The following SPRYD7 variants were observed in gnomAD, a reference collection of about 807,000 sequenced individuals.
SPRYD7 encodes SPRY domain containing 7, also known as SPRY domain-containing protein 7.
A neutral mutation model predicts 23.8 loss-of-function variants in SPRYD7; 14 were observed. That is an observed-to-expected ratio of 0.59 (90% CI 0.39 to 0.92). The LOEUF is 0.92. Ranked by LOEUF, SPRYD7 falls within the 40% of genes least tolerant of loss-of-function variation. SPRYD7 has a pLI of 0.00. For synonymous variants in SPRYD7, 75 were observed against 84.9 expected (o/e 0.88, Z 0.64); for missense variants, 194 against 241.7 (o/e 0.80, Z 1.31).
chr13:49,916,973 C>T (rs903885002), intron 4 of SPRYD7, among the ~76,000 whole-genome samples: 7 of 151,998 alleles, frequency 4.6e-5, no homozygotes, highest in African/African-American at 1.7e-4. Context: ...AGGTAGAAGG[C>T]AAGGCATTTT....
At chr13:49,934,555 CAAAAA>C (rs889803067) in intron 1 of SPRYD7, among the ~76,000 whole-genome samples, 41 of 54,388 alleles carry the variant, frequency 7.5e-4, no homozygotes, top group Non-Finnish European at 6.5e-4. Flanking sequence ...AACTCCGTCT[CAAAAA>C]AAAAAAAAAA....
rs1273006088 is a variant in SPRYD7, at chr13:49,913,450, A to G, written c.*1613T>C. Reference sequence around the variant, plus strand: ...AAAAACGAGAAAAAAAAAAAAAGAAAGAAAACCACTTTCCCTGATACTTTA... The same window carrying G: ...AAAAACGAGAAAAAAAAAAAAAGAAGGAAAACCACTTTCCCTGATACTTTA... On this transcript the variant is annotated 3_prime_UTR_variant, in exon 5 of 5. Coordinates refer to ENST00000361840, the MANE Select transcript of SPRYD7 (RefSeq NM_020456.4). The G allele has an allele frequency of 6.6e-6, 1 of 151,774 alleles. No individual in the cohort carries two copies. Among genetic ancestry groups the G allele is most frequent in the Non-Finnish European group, 1.5e-5 (1 of 67,992 alleles). The allele number at this position is 151,774 out of a possible 1,614,324, so 9.4% of individuals were successfully genotyped here.
Position 49,927,937 on chromosome 13 carries a change from C to A in SPRYD7, c.372G>T (p.Pro124=). The change falls in exon 3 of 5, where the codon CCG becomes CCT. Residue 124 remains proline (P), a synonymous_variant. Coordinates refer to ENST00000361840, the MANE Select transcript of SPRYD7 (RefSeq NM_020456.4). The part of the protein sequence containing the change: ...EKNRLPANSL[P]QEGDVVGITY... ...AACTCACCACCACATCTCCTTCCTG[C>A]GGAAGACTGTTTGCTGGCAGCCTAT... 1 of 1,614,138 alleles carries A rather than the reference C, an allele frequency of 6.2e-7. No individual in the cohort carries two copies. Among genetic ancestry groups the A allele is most frequent in the South Asian group, 1.1e-5 (1 of 91,072 alleles).
chr13:49,925,638 C>T (rs1418079602), intron 3 of SPRYD7, among the ~76,000 whole-genome samples: 5 of 151,842 alleles, frequency 3.3e-5, no homozygotes, highest in Non-Finnish European at 7.4e-5. Flanking sequence ...AGTGAAAACC[C>T]GTCTCTAGTA....
chr13:49,928,478 T>C (rs1043256545), intron 2 of SPRYD7, among the ~76,000 whole-genome samples: 7 of 152,152 alleles, frequency 4.6e-5, no homozygotes, highest in Non-Finnish European at 1.0e-4. Flanking sequence ...TTGCAAACTA[T>C]ACTATGTTCT....
intron 1 of SPRYD7, among the ~76,000 whole-genome samples, chr13:49,935,403 GA>G (rs1871578935): frequency 6.6e-6 from 1 of 152,220 alleles, no homozygotes; most frequent in Admixed American, 6.5e-5. Flanking sequence ...ATAAGGTGGT[GA>G]AAGAGGCTAT....
At position 49,921,409 on chromosome 13, in the gene SPRYD7, A is replaced by C. The variant is rs527276304; in HGVS notation, c.493+69T>G. 2.3e-5 allele frequency: 23 copies of C among 1,014,370 alleles called. No homozygotes were observed. The African/African-American group carries it at 3.0e-4, about 13-fold the overall frequency. The allele number at this position is 1,014,370 out of a possible 1,614,324, so 62.8% of individuals were successfully genotyped here. ...GGGTATGTCTTTATAGCAGCATGAA[A>C]ACAGACTGATACACACACCAAACAA... On this transcript the variant is annotated intron_variant, in intron 4 of 4. Coordinates refer to ENST00000361840, the MANE Select transcript of SPRYD7 (RefSeq NM_020456.4).
In SPRYD7 at chr13:49,936,168, T is replaced by C. The variant is rs1871620220; in HGVS notation, c.68A>G (p.Lys23Arg). Residue 23 changes from lysine (K) to arginine (R), a missense_variant, in exon 1 of 5, where the codon AAG (lysine) becomes AGG (arginine). By Grantham distance (26) the Lys-to-Arg change is conservative. Coordinates refer to ENST00000361840, the MANE Select transcript of SPRYD7 (RefSeq NM_020456.4). ...RDGGTGHIPL[K>R]EMPAVQLDTQ... ...GTCCAGCTGCACGGCCGGCATCTCC[T>C]TCAGAGGGATGTGGCCAGTCCCCCC... 1 of 1,609,618 alleles carries C rather than the reference T, an allele frequency of 6.2e-7. No homozygotes were observed.
At chr13:49,919,624 G>C (rs1955794269) in intron 4 of SPRYD7, among the ~76,000 whole-genome samples, 1 of 151,542 alleles carries the variant, frequency 6.6e-6, no homozygotes, top group Non-Finnish European at 1.5e-5. Context: ...CTACTCTGGA[G>C]GCTGAGGCAC....
At chr13:49,935,603 T>C (rs965834356) in intron 1 of SPRYD7, 2 of 152,214 alleles carry the variant, frequency 1.3e-5, no homozygotes, top group Non-Finnish European at 2.9e-5. Flanking sequence ...TTAGTTGAAA[T>C]GGCAAGTTCT....
chr13:49,929,548 C>T (rs191125668), intron 2 of SPRYD7, among the ~76,000 whole-genome samples: 198 of 150,598 alleles, frequency 1.3e-3, no homozygotes, highest in African/African-American at 4.3e-3. Context: ...CAGGCTGGAG[C>T]GCAGTGGCAC....
At chr13:49,934,072 AT>A (rs1365715027) in intron 1 of SPRYD7, among the ~76,000 whole-genome samples, 3 of 151,918 alleles carry the variant, frequency 2.0e-5, no homozygotes, top group Non-Finnish European at 1.5e-5. Flanking sequence ...AAGCAATCAC[AT>A]TTTTTAGGTT....
intron 3 of SPRYD7, among the ~76,000 whole-genome samples, chr13:49,923,659 CT>C (rs111616246): frequency 0.18 from 27,206 of 148,502 alleles, 2,766 homozygotes; most frequent in African/African-American, 0.27. Flanking sequence ...TATTTTCTTT[CT>C]TTTTTTTTTT....
chr13:49,920,089 A>C (rs1472935420), intron 4 of SPRYD7, among the ~76,000 whole-genome samples: 3 of 152,038 alleles, frequency 2.0e-5, no homozygotes, highest in Non-Finnish European at 4.4e-5. Context: ...GGCCGGATGC[A>C]GTGGTTCATG....
intron 4 of SPRYD7, among the ~76,000 whole-genome samples, chr13:49,919,604 GT>G (rs1955794091): frequency 1.3e-5 from 2 of 151,414 alleles, no homozygotes; most frequent in African/African-American, 4.9e-5. Context: ...ATACACACCT[GT>G]AATCCCAGCT....
At chr13:49,936,068 C>T in intron 1 of SPRYD7, 62 bp downstream of exon 1, 1 of 1,199,560 alleles carries the variant, frequency 8.3e-7, no homozygotes, top group Non-Finnish European at 1.1e-6. Context: ...CCCTGAAGGT[C>T]CCCCTGCCCG....
chr13:49,926,525 A>C (rs1955883649), intron 3 of SPRYD7, among the ~76,000 whole-genome samples: 1 of 152,196 alleles, frequency 6.6e-6, no homozygotes, highest in African/African-American at 2.4e-5. Flanking sequence ...GATTTTTTTA[A>C]TGGCTTATGC....
chr13:49,925,431 T>C (rs1176467740), intron 3 of SPRYD7, among the ~76,000 whole-genome samples: 1 of 152,084 alleles, frequency 6.6e-6, no homozygotes, highest in East Asian at 1.9e-4. Flanking sequence ...TTGTTATTAT[T>C]ACATAGAATG....
chr13:49,926,043 T>C (rs1282011775), intron 3 of SPRYD7, among the ~76,000 whole-genome samples: 3 of 152,234 alleles, frequency 2.0e-5, no homozygotes, highest in African/African-American at 7.2e-5. Context: ...ATTCTACTTA[T>C]TGCATGCCAC....
Sources: allele counts gnomAD v4.1 joint callset (sites outside exome capture counted in the v4.1 genomes callset), GRCh38; gene constraint gnomAD v4.1.1; transcripts MANE v1.5; gene names NCBI Gene and HGNC (gene_info 2026-07-23, HGNC 2026-07-21).